SV2C: variants seen among roughly 807,000 people sequenced by gnomAD.
SV2C encodes the protein synaptic vesicle glycoprotein 2C.
In SV2C, 49 loss-of-function variants were observed where a neutral mutation model predicts 79.7. The ratio of observed to expected loss-of-function variants is 0.61; its 90% CI spans 0.49 to 0.78. The LOEUF (loss-of-function observed/expected upper bound fraction) is 0.78, where lower values mean the gene tolerates loss of function less well. Among genes scored for constraint, SV2C ranks in the 30% least tolerant of loss-of-function variants. SV2C has a pLI of 0.00. For missense variants in SV2C, 833 were observed against 912.9 expected, an observed-to-expected ratio of 0.91 and a Z score of 1.13; for synonymous variants, 334 against 333.2, an observed-to-expected ratio of 1.00 and a Z score of -0.03.
At chr5:75,868,642 C>A in the SV2C span, among the ~76,000 whole-genome samples, 1 of 152,206 alleles carries the variant, frequency 6.6e-6, no homozygotes, top group Non-Finnish European at 1.5e-5. Context: ...ATCCACCAAT[C>A]CAAAGCTATT....
At chr5:75,990,550 A>T in the SV2C span, among the ~76,000 whole-genome samples, 2 of 152,090 alleles carry the variant, frequency 1.3e-5, no homozygotes, top group South Asian at 4.2e-4. Context: ...TTTCTCTCTT[A>T]CAGGTTTCTG....
At chr5:75,961,892 A>T in the SV2C span, among the ~76,000 whole-genome samples, 1 of 152,074 alleles carries the variant, frequency 6.6e-6, no homozygotes, top group East Asian at 1.9e-4. Flanking sequence ...AAATGTAAGA[A>T]AGGGACACTC....
intron 4 of SV2C, among the ~76,000 whole-genome samples, chr5:76,223,308 C>T (rs1745126334): frequency 6.6e-6 from 1 of 151,118 alleles, no homozygotes; most frequent in African/African-American, 2.4e-5. Context: ...CACACCTGTG[C>T]TCCTAGCTAT....
At chr5:76,069,292 G>T in the SV2C span, among the ~76,000 whole-genome samples, 2 of 152,148 alleles carry the variant, frequency 1.3e-5, no homozygotes, top group Non-Finnish European at 2.9e-5. Flanking sequence ...CTTTATGGCT[G>T]CTCCATCTGT....
chr5:76,178,869 T>C (rs1743624189), intron 2 of SV2C, among the ~76,000 whole-genome samples: 2 of 152,234 alleles, frequency 1.3e-5, no homozygotes, highest in Non-Finnish European at 2.9e-5. Context: ...ATTTCATTTT[T>C]GAGTTAGTTC....
At chr5:75,890,866 C>G in the SV2C span, among the ~76,000 whole-genome samples, 1 of 151,996 alleles carries the variant, frequency 6.6e-6, no homozygotes, top group African/African-American at 2.4e-5. Flanking sequence ...TCAATGGCTG[C>G]CTTCTAACTA....
chr5:76,308,244 C>T (rs550677500), intron 12 of SV2C, among the ~76,000 whole-genome samples: 9 of 152,296 alleles, frequency 5.9e-5, no homozygotes, highest in African/African-American at 2.2e-4. Flanking sequence ...CCAGGTACTC[C>T]ACTTAAGCTC....
the SV2C span, among the ~76,000 whole-genome samples, chr5:76,008,544 T>G: frequency 1.3e-5 from 2 of 152,086 alleles, no homozygotes; most frequent in African/African-American, 4.8e-5. Context: ...TCACATTCCA[T>G]CTCCATACTA....
intron 1 of SV2C, chr5:76,084,174 G>C (rs757800432): frequency 1.3e-5 from 2 of 152,328 alleles, no homozygotes; most frequent in Non-Finnish European, 2.9e-5. Context: ...CTTTGTCAGC[G>C]CCTGCACTTC....
At chr5:76,125,934 G>A (rs768552680) in intron 1 of SV2C, among the ~76,000 whole-genome samples, 7 of 152,164 alleles carry the variant, frequency 4.6e-5, no homozygotes, top group Admixed American at 6.5e-5. Flanking sequence ...GTGCACACCT[G>A]TAGTCCCAGC....
Position 76,291,273 on chromosome 5 carries a change from G to A in SV2C, c.1190G>A (p.Ser397Asn), listed in dbSNP as rs751633523. The A allele has an allele frequency of 4.0e-5, 65 of 1,613,258 alleles. No individual in the cohort carries two copies. Among genetic ancestry groups the A allele is most frequent in the Non-Finnish European group, 5.4e-5 (64 of 1,179,730 alleles). The change falls in exon 7 of 13, where the codon AGT becomes AAT. Residue 397 changes from serine to asparagine, a missense_variant. Ser to Asn is a conservative substitution (Grantham distance 46). Transcript: ENST00000502798. ...KQIDELIEIE[S>N]DTGTWYRRCF... is the part of the protein sequence containing the mutation. Reference sequence around the variant, plus strand: ...ATAGATGAGCTGATTGAAATTGAGAGTGACACAGGAACATGGTATAGGAGG... The same window carrying A: ...ATAGATGAGCTGATTGAAATTGAGAATGACACAGGAACATGGTATAGGAGG...
Position 76,242,091 on chromosome 5 carries a change from G to A in SV2C, c.913+32204G>A, listed in dbSNP as rs1017711852. On this transcript the variant is annotated intron_variant, in intron 4 of 12. Transcript: ENST00000502798. Reference sequence around the variant, plus strand: ...TGTTTTGGCATCTCCATTTCCTGCAGGGTTATTTCCCTCCTTGCCAGCATC... The same window carrying A: ...TGTTTTGGCATCTCCATTTCCTGCAAGGTTATTTCCCTCCTTGCCAGCATC... 2.1e-5 allele frequency: 31 copies of A among 1,451,144 alleles called. No homozygotes were observed. In the African/African-American group the frequency reaches 4.1e-4, roughly 19 times the overall value. The allele number at this position is 1,451,144 out of a possible 1,614,324, so 89.9% of individuals were successfully genotyped here.
At chr5:76,009,991 G>GTTTTTTTT in the SV2C span, among the ~76,000 whole-genome samples, 9 of 112,642 alleles carry the variant, frequency 8.0e-5, no homozygotes, top group African/African-American at 2.5e-4. Flanking sequence ...TATCTATTTT[G>GTTTTTTTT]TTTTTTTTTT....
chr5:76,289,650 A>G (rs976426469), intron 6 of SV2C, among the ~76,000 whole-genome samples: 1 of 152,114 alleles, frequency 6.6e-6, no homozygotes, highest in Non-Finnish European at 1.5e-5. Context: ...AGTCCTCCTT[A>G]TTCACTGCCC....
At chr5:76,179,335 C>T (rs1743646885) in intron 2 of SV2C, among the ~76,000 whole-genome samples, 2 of 152,056 alleles carry the variant, frequency 1.3e-5, no homozygotes, top group African/African-American at 4.8e-5. Flanking sequence ...TTTAACGTGC[C>T]TTATCTTAGG....
At position 76,332,756 on chromosome 5, in the gene SV2C, C is replaced by G. The variant is rs1219246392; in HGVS notation, c.*7209C>G. On this transcript the variant is annotated 3_prime_UTR_variant, in exon 13 of 13. Transcript: ENST00000502798. ...GCCATGCAAATCAGACTCCTCCTAA[C>G]CCCTAAGACAGTTGTTAAACATTTG... The G allele has an allele frequency of 2.6e-5, 4 of 152,204 alleles. No individual in the cohort carries two copies. The highest frequency in any genetic ancestry group is 9.7e-5 in the African/African-American group (4 of 41,442). The allele number at this position is 152,204 out of a possible 1,614,324, so 9.4% of individuals were successfully genotyped here.
the SV2C span, among the ~76,000 whole-genome samples, chr5:76,032,337 G>A: frequency 1.3e-5 from 2 of 152,064 alleles, no homozygotes; most frequent in South Asian, 2.1e-4. Flanking sequence ...ATGCTGGTGC[G>A]CTGCACCCAC....
At chr5:76,096,827 T>C (rs1462937190) in intron 1 of SV2C, among the ~76,000 whole-genome samples, 1 of 152,202 alleles carries the variant, frequency 6.6e-6, no homozygotes. Context: ...TAAAAAAGAA[T>C]TCTTTCTCTC....
intron 12 of SV2C, among the ~76,000 whole-genome samples, chr5:76,347,644 GTT>G (rs959833507): frequency 4.6e-5 from 7 of 152,158 alleles, no homozygotes; most frequent in African/African-American, 1.7e-4. Context: ...ATTTCACCAT[GTT>G]GGCTAGTCTG....
Sources: allele counts gnomAD v4.1 joint callset (sites outside exome capture counted in the v4.1 genomes callset), GRCh38; gene constraint gnomAD v4.1.1; transcripts MANE v1.5; gene names NCBI Gene and HGNC (gene_info 2026-07-23, HGNC 2026-07-21).